Variants in ALKBH5 observed in about 807,000 individuals in gnomAD.
ALKBH5 encodes the protein alkB homolog 5, RNA demethylase.
ALKBH5 carries 2 observed loss-of-function variants against 32.1 expected under a neutral mutation model. The observed-to-expected ratio is 0.06, with a 90% CI of 0.03 to 0.20. ALKBH5 has a LOEUF of 0.20. ALKBH5 is among the 10% of genes least tolerant of loss of function. The probability of loss-of-function intolerance (pLI) is 1.00; values close to 1 mark genes in which losing one functional copy is unlikely to be tolerated. For missense variants in ALKBH5, 352 were observed against 559.5 expected, an observed-to-expected ratio of 0.63 and a Z score of 3.74; for synonymous variants, 300 against 231.7, an observed-to-expected ratio of 1.29 and a Z score of -2.68.
intron 2 of ALKBH5, among the ~76,000 whole-genome samples, chr17:18,199,376 A>G (rs2047222950): frequency 1.3e-5 from 2 of 152,216 alleles, no homozygotes; most frequent in African/African-American, 4.8e-5. Flanking sequence ...CAAGAGGCTG[A>G]CAAACTTCTG....
At chr17:18,194,909 T>C (rs2047196817) in intron 1 of ALKBH5, 46 bp from the exon 2 acceptor site, 1 of 1,585,666 alleles carries the variant, frequency 6.3e-7, no homozygotes, top group Admixed American at 1.7e-5. Flanking sequence ...GGAACTTTGG[T>C]TGTCTGTCTA....
At chr17:18,201,786 G>GGTA (rs1555550987) in intron 2 of ALKBH5, among the ~76,000 whole-genome samples, 6,281 of 83,732 alleles carry the variant, frequency 0.075, 214 homozygotes, top group South Asian at 0.11. Flanking sequence ...TAGATAGATA[G>GGTA]GATAGATAAG....
At chr17:18,200,948 G>A (rs2047232997) in intron 2 of ALKBH5, among the ~76,000 whole-genome samples, 1 of 152,232 alleles carries the variant, frequency 6.6e-6, no homozygotes, top group Non-Finnish European at 1.5e-5. Flanking sequence ...AGTGGGGTGA[G>A]GGATTTGCAT....
At chr17:18,204,343 C>A (rs1019223240) in intron 2 of ALKBH5, among the ~76,000 whole-genome samples, 1 of 151,856 alleles carries the variant, frequency 6.6e-6, no homozygotes, top group Non-Finnish European at 1.5e-5. Flanking sequence ...CCTAGCAATT[C>A]GGGAGGCTGA....
chr17:18,208,367 G>T lies in ALKBH5; in HGVS notation c.1156G>T (p.Ala386Ser). 3 of 1,613,494 alleles carry T rather than the reference G, an allele frequency of 1.9e-6. No individual in the cohort carries two copies. The highest frequency in any genetic ancestry group is 2.5e-6 in the Non-Finnish European group (3 of 1,179,674). The change falls in exon 4 of 4, where the codon GCC (alanine) becomes TCC (serine). Residue 386 changes from alanine to serine, a missense_variant. Coordinates refer to ENST00000399138, the MANE Select transcript of ALKBH5 (RefSeq NM_017758.4). ...EDCSEAAGSP[A>S]RKVKMRRH ...CTGCTCTGAGGCAGCAGGCAGCCCT[G>T]CCCGAAAGGTGAAGATGCGGCGGCA...
rs983934141 is a variant in ALKBH5 at position 18,183,860 on chromosome 17, G to A, written c.-384G>A. 1 of 345,108 alleles carries A rather than the reference G, an allele frequency of 2.9e-6. No homozygotes were observed. The highest frequency in any genetic ancestry group is 5.5e-6 in the Non-Finnish European group (1 of 181,476). 21.4% of individuals were successfully genotyped at this position (345,108 alleles called of 1,614,324 possible). A position where few individuals can be genotyped will look rare whatever the true frequency, so the allele number is the denominator to read the frequency against. On this transcript the variant is annotated 5_prime_UTR_variant, in exon 1 of 4. Coordinates refer to ENST00000399138, the MANE Select transcript of ALKBH5 (RefSeq NM_017758.4). ...CCGCTAAGGAGCGGCGCTGGCGGAC[G>A]TCGGGCTGGCTGCCCGTGACGTCGT...
At chr17:18,197,734 C>T (rs1375818672) in intron 2 of ALKBH5, among the ~76,000 whole-genome samples, 1 of 152,248 alleles carries the variant, frequency 6.6e-6, no homozygotes, top group African/African-American at 2.4e-5. Flanking sequence ...CAGCTAGGTC[C>T]CTGCCAGTGG....
chr17:18,191,950 A>T (rs1044312617), intron 1 of ALKBH5, among the ~76,000 whole-genome samples: 7 of 89,848 alleles, frequency 7.8e-5, no homozygotes, highest in South Asian at 3.1e-4. Context: ...CTCTGTCTTT[A>T]AAAAAAAAAA....
At chr17:18,207,434 A>G (rs2047275541) in intron 3 of ALKBH5, among the ~76,000 whole-genome samples, 2 of 152,298 alleles carry the variant, frequency 1.3e-5, no homozygotes, top group East Asian at 1.9e-4. Flanking sequence ...AGGCCAAGGC[A>G]GGCAGATCAC....
At position 18,184,356 on chromosome 17, in the gene ALKBH5, T is replaced by C. The variant is rs887898438; in HGVS notation, c.113T>C (p.Val38Ala). The C allele has an allele frequency of 2.6e-5, 40 of 1,517,806 alleles. No individual in the cohort carries two copies. Among genetic ancestry groups the C allele is most frequent in the African/African-American group, 1.0e-4 (7 of 69,954 alleles). 94.0% of individuals were successfully genotyped at this position (1,517,806 alleles called of 1,614,324 possible). Residue 38 changes from valine (V) to alanine (A), a missense_variant, in exon 1 of 4, where the codon GTA becomes GCA. Physicochemically the swap from Val to Ala is moderately conservative, Grantham distance 64. Transcript: ENST00000399138. ...GCCGCCGCCGCTGCCGCAGCCGCCG[T>C]AGCCGCCGCAGCCGCAGCCGCCGCT... ...REAAAAAAAA[V>A]AAAAAAAAAA...
chr17:18,183,975 G>A lies in ALKBH5; in HGVS notation c.-269G>A. 1.6e-6 allele frequency: 1 copy of A among 634,908 alleles called. No individual in the cohort carries two copies. The highest frequency in any genetic ancestry group is 3.3e-5 in the East Asian group (1 of 30,426). The allele number at this position is 634,908 out of a possible 1,614,324, so 39.3% of individuals were successfully genotyped here. ...TCTCCGCAGCAGCCCTCCGCGGCAT[G>A]AGGCGCTGCCGGCGCCCCTGCCCCG... is the stretch of plus-strand genomic sequence containing the variant. On this transcript the variant is annotated 5_prime_UTR_variant, in exon 1 of 4. An upstream start codon of the reference 5' UTR is lost. Coordinates refer to ENST00000399138, the MANE Select transcript of ALKBH5 (RefSeq NM_017758.4).
At chr17:18,200,958 T>C (rs1165715313) in intron 2 of ALKBH5, among the ~76,000 whole-genome samples, 1 of 151,776 alleles carries the variant, frequency 6.6e-6, no homozygotes, top group Non-Finnish European at 1.5e-5. Context: ...GGGATTTGCA[T>C]GTGAGAGATT....
At chr17:18,197,668 C>T (rs1444490315) in intron 2 of ALKBH5, among the ~76,000 whole-genome samples, 3 of 152,240 alleles carry the variant, frequency 2.0e-5, no homozygotes, top group African/African-American at 7.2e-5. Flanking sequence ...GTCAGATGCT[C>T]CTCAGCACAG....
intron 2 of ALKBH5, among the ~76,000 whole-genome samples, chr17:18,201,248 A>T (rs1022134330): frequency 3.3e-5 from 5 of 152,148 alleles, no homozygotes; most frequent in Non-Finnish European, 7.4e-5. Flanking sequence ...TGGTTCAGTA[A>T]GTCTGTGTCC....
intron 2 of ALKBH5, among the ~76,000 whole-genome samples, chr17:18,201,775 A>ATAGATAGGTAGATAGG (rs1555550994): frequency 4.2e-5 from 6 of 141,770 alleles, no homozygotes; most frequent in Admixed American, 3.6e-4. Context: ...AGATAGATAG[A>ATAGATAGGTAGATAGG]TAGATAGATA....
intron 1 of ALKBH5, among the ~76,000 whole-genome samples, chr17:18,186,017 T>C (rs921394245): frequency 6.6e-6 from 1 of 152,164 alleles, no homozygotes; most frequent in African/African-American, 2.4e-5. Flanking sequence ...CAGCCCAGGT[T>C]CTGAAGTGAG....
At chr17:18,186,412 G>T (rs79168184) in intron 1 of ALKBH5, among the ~76,000 whole-genome samples, 2,952 of 152,202 alleles carry the variant, frequency 0.019, 96 homozygotes, top group African/African-American at 0.067. Flanking sequence ...CCCCATTGAC[G>T]GGTTCTCAGT....
intron 1 of ALKBH5, among the ~76,000 whole-genome samples, chr17:18,191,819 T>G (rs2047176550): frequency 6.6e-6 from 1 of 151,930 alleles, no homozygotes; most frequent in African/African-American, 2.4e-5. Flanking sequence ...CATACAAAAA[T>G]TAGCCTGTAG....
At chr17:18,198,354 T>C (rs764882511) in intron 2 of ALKBH5, among the ~76,000 whole-genome samples, 8 of 152,266 alleles carry the variant, frequency 5.3e-5, no homozygotes, top group Non-Finnish European at 1.2e-4. Context: ...AGGCATCAAC[T>C]AGTGTGGAGA....
Sources: allele counts gnomAD v4.1 joint callset (sites outside exome capture counted in the v4.1 genomes callset), GRCh38; gene constraint gnomAD v4.1.1; transcripts MANE v1.5; gene names NCBI Gene and HGNC (gene_info 2026-07-23, HGNC 2026-07-21).